The following CNTN5 variants were observed in gnomAD, a reference collection of about 807,000 sequenced individuals.
CNTN5 encodes the protein contactin-5.
Under a neutral mutation model 129.1 loss-of-function variants are expected in CNTN5, and 77 were observed. The ratio of observed to expected loss-of-function variants is 0.60; its 90% CI spans 0.50 to 0.72. The LOEUF (loss-of-function observed/expected upper bound fraction) is 0.72, where lower values mean the gene tolerates loss of function less well. Ranked by LOEUF, CNTN5 falls within the 30% of genes least tolerant of loss-of-function variation. The pLI, the probability that CNTN5 is intolerant of heterozygous loss-of-function variation, is 0.00. For missense variants in CNTN5, 1,478 were observed against 1,328.8 expected (o/e 1.11, Z -1.75); for synonymous variants, 509 against 465.6 (o/e 1.09, Z -1.20).
At chr11:100,168,390 T>C (rs918738237) in intron 13 of CNTN5, among the ~76,000 whole-genome samples, 6 of 151,942 alleles carry the variant, frequency 3.9e-5, no homozygotes, top group Admixed American at 3.3e-4. Flanking sequence ...CTAATGTAAC[T>C]GGTGATTCTA....
intron 17 of CNTN5, 128 bp from the exon 18 acceptor site, chr11:100,270,964 A>C: frequency 2.8e-6 from 2 of 701,790 alleles, no homozygotes; most frequent in Non-Finnish European, 4.6e-6. Context: ...AGGTGACACC[A>C]TGACCACGTG....
chr11:99,614,678 C>A (rs1022352617), intron 3 of CNTN5, among the ~76,000 whole-genome samples: 32 of 152,148 alleles, frequency 2.1e-4, no homozygotes, highest in Admixed American at 8.5e-4. Context: ...CTTTGCTCCT[C>A]GATCCAGGTG....
At chr11:100,203,145 C>T (rs1948823975) in intron 15 of CNTN5, among the ~76,000 whole-genome samples, 1 of 152,016 alleles carries the variant, frequency 6.6e-6, no homozygotes, top group Non-Finnish European at 1.5e-5. Context: ...TTAAAATTCT[C>T]CCATAAAAGT....
intron 2 of CNTN5, among the ~76,000 whole-genome samples, chr11:99,451,518 T>C (rs1240718459): frequency 6.6e-6 from 1 of 152,182 alleles, no homozygotes; most frequent in African/African-American, 2.4e-5. Context: ...ATGGAAAATA[T>C]GTAGTATTCA....
At chr11:99,627,064 A>G (rs908096847) in intron 3 of CNTN5, among the ~76,000 whole-genome samples, 2 of 152,088 alleles carry the variant, frequency 1.3e-5, no homozygotes, top group Non-Finnish European at 2.9e-5. Flanking sequence ...GGAAGGGAGA[A>G]GTGGAGAGGT....
intron 3 of CNTN5, among the ~76,000 whole-genome samples, chr11:99,597,526 T>C (rs932275674): frequency 4.0e-5 from 6 of 148,498 alleles, no homozygotes; most frequent in African/African-American, 1.5e-4. Flanking sequence ...AAAAAAAAAA[T>C]ATAGGTTGTT....
intron 16 of CNTN5, among the ~76,000 whole-genome samples, chr11:100,251,636 T>C (rs1949965493): frequency 6.6e-6 from 1 of 152,128 alleles, no homozygotes; most frequent in Non-Finnish European, 1.5e-5. Flanking sequence ...AGATCCTTTT[T>C]TTTAGCTTTC....
intron 13 of CNTN5, among the ~76,000 whole-genome samples, chr11:100,172,519 G>A (rs1947855190): frequency 6.6e-6 from 1 of 151,976 alleles, no homozygotes. Flanking sequence ...ATGTGTGGGT[G>A]AAAAGATAAT....
chr11:99,744,744 G>A (rs1252162798), intron 3 of CNTN5, among the ~76,000 whole-genome samples: 5 of 150,424 alleles, frequency 3.3e-5, no homozygotes, highest in Non-Finnish European at 5.9e-5. Flanking sequence ...AAAAAAGTTG[G>A]AGGTGCTTAT....
chr11:99,458,258 A>G (rs1342854032), intron 2 of CNTN5, among the ~76,000 whole-genome samples: 2 of 151,896 alleles, frequency 1.3e-5, no homozygotes, highest in Non-Finnish European at 2.9e-5. Context: ...TTATTTACAC[A>G]AATAAGTAAG....
intron 2 of CNTN5, among the ~76,000 whole-genome samples, chr11:99,363,977 A>G (rs1163131121): frequency 6.6e-6 from 1 of 152,074 alleles, no homozygotes; most frequent in Non-Finnish European, 1.5e-5. Context: ...AATTGGAGCA[A>G]AGGTGAATAA....
intron 3 of CNTN5, among the ~76,000 whole-genome samples, chr11:99,815,184 AAC>A (rs1946544054): frequency 6.6e-6 from 1 of 151,050 alleles, no homozygotes; most frequent in African/African-American, 2.4e-5. Flanking sequence ...TGTACAGAAA[AAC>A]ACACTTAAAT....
intron 2 of CNTN5, among the ~76,000 whole-genome samples, chr11:99,476,563 T>G (rs1407254846): frequency 6.6e-6 from 1 of 152,184 alleles, no homozygotes; most frequent in East Asian, 1.9e-4. Flanking sequence ...AACATTCTGG[T>G]CAACTTCTTA....
chr11:99,930,409 T>C (rs1337341595), intron 7 of CNTN5, among the ~76,000 whole-genome samples: 1 of 152,164 alleles, frequency 6.6e-6, no homozygotes, highest in African/African-American at 2.4e-5. Flanking sequence ...ACTGGGAGTT[T>C]GTTGCCCAAA....
At chr11:99,093,744 T>TA (rs984983062) in intron 1 of CNTN5, among the ~76,000 whole-genome samples, 1 of 152,040 alleles carries the variant, frequency 6.6e-6, no homozygotes, top group Non-Finnish European at 1.5e-5. Context: ...TCGTCTGGCA[T>TA]AATATATCAT....
intron 18 of CNTN5, among the ~76,000 whole-genome samples, chr11:100,284,442 T>C (rs1426140690): frequency 6.6e-6 from 1 of 152,228 alleles, no homozygotes; most frequent in Non-Finnish European, 1.5e-5. Flanking sequence ...AATCTGTTAA[T>C]ATCATCAAAC....
At chr11:99,063,778 G>A (rs751344676) in intron 1 of CNTN5, among the ~76,000 whole-genome samples, 70 of 152,018 alleles carry the variant, frequency 4.6e-4, no homozygotes, top group Non-Finnish European at 9.3e-4. Context: ...TTGCAAAGGG[G>A]TTTTGTTAAG....
At chr11:99,554,599 G>A (rs1000027684) in intron 2 of CNTN5, among the ~76,000 whole-genome samples, 7 of 152,076 alleles carry the variant, frequency 4.6e-5, no homozygotes, top group Non-Finnish European at 8.8e-5. Context: ...CCAATTTGGG[G>A]AGTATGGGAC....
intron 3 of CNTN5, among the ~76,000 whole-genome samples, chr11:99,782,484 G>A (rs979746487): frequency 6.6e-6 from 1 of 151,250 alleles, no homozygotes; most frequent in African/African-American, 2.4e-5. Context: ...CTACTTTCAA[G>A]TTCATATGGA....
Sources: allele counts gnomAD v4.1 joint callset (sites outside exome capture counted in the v4.1 genomes callset), GRCh38; gene constraint gnomAD v4.1.1; transcripts MANE v1.5; gene names NCBI Gene and HGNC (gene_info 2026-07-23, HGNC 2026-07-21).